Variants in MAP3K5 observed in about 807,000 individuals in gnomAD.
MAP3K5 encodes the protein mitogen-activated protein kinase kinase kinase 5.
In MAP3K5, 56 loss-of-function variants were observed where a neutral mutation model predicts 158.7. That is an observed-to-expected ratio of 0.35 (90% CI 0.28 to 0.44). MAP3K5 has a LOEUF of 0.44. Among genes scored for constraint, MAP3K5 ranks in the 20% least tolerant of loss-of-function variants. The probability of loss-of-function intolerance (pLI) is 1.00; values close to 1 mark genes in which losing one functional copy is unlikely to be tolerated. For synonymous variants in MAP3K5, 579 were observed against 601.7 expected (o/e 0.96, Z 0.55); for missense variants, 1,294 against 1,674.8 (o/e 0.77, Z 3.97).
chr6:136,724,917 C>A (rs1781903028), intron 1 of MAP3K5, among the ~76,000 whole-genome samples: 1 of 152,144 alleles, frequency 6.6e-6, no homozygotes, highest in South Asian at 2.1e-4. Context: ...CCTCATGCTG[C>A]CCTTTTGAGG....
At chr6:136,759,499 ATCACTCTG>A (rs1457176022) in intron 1 of MAP3K5, among the ~76,000 whole-genome samples, 2 of 111,780 alleles carry the variant, frequency 1.8e-5, no homozygotes, top group Non-Finnish European at 3.9e-5. Flanking sequence ...GAGACAGAGT[ATCACTCTG>A]TCACCCAGGC....
intron 1 of MAP3K5, among the ~76,000 whole-genome samples, chr6:136,765,523 A>AT (rs1221675236): frequency 6.9e-6 from 1 of 144,520 alleles, no homozygotes; most frequent in African/African-American, 2.6e-5. Flanking sequence ...TTATTTTTTT[A>AT]TTTTTTTGAG....
At chr6:136,719,779 T>C (rs886904897) in intron 2 of MAP3K5, among the ~76,000 whole-genome samples, 7 of 152,206 alleles carry the variant, frequency 4.6e-5, no homozygotes, top group Non-Finnish European at 8.8e-5. Context: ...AAATGGATGA[T>C]GGCAAGCTCA....
In MAP3K5 at chr6:136,633,782, G is replaced by A. The variant is rs1458646731; in HGVS notation, c.2016+3543C>T. On this transcript the variant is annotated intron_variant, in intron 14 of 29. Coordinates refer to ENST00000359015, the MANE Select transcript of MAP3K5 (RefSeq NM_005923.4). Reference sequence around the variant, plus strand: ...TTATAGAATCACATTAATAGTTACTGTTTTGCTGACTGCTGACAACACCCT... The same window carrying A: ...TTATAGAATCACATTAATAGTTACTATTTTGCTGACTGCTGACAACACCCT... Among the ~76,000 whole-genome samples, 9 of 152,202 alleles carry A rather than the reference G, an allele frequency of 5.9e-5. No homozygotes were observed. The East Asian group carries it at 1.7e-3, about 29-fold the overall frequency.
chr6:136,744,610 C>A (rs979953923), intron 1 of MAP3K5, among the ~76,000 whole-genome samples: 9 of 152,164 alleles, frequency 5.9e-5, no homozygotes, highest in Admixed American at 1.3e-4. Context: ...CCCATGCACT[C>A]CAACATGGAC....
At chr6:136,666,434 T>A (rs1779233369) in intron 8 of MAP3K5, among the ~76,000 whole-genome samples, 1 of 152,196 alleles carries the variant, frequency 6.6e-6, no homozygotes, top group Non-Finnish European at 1.5e-5. Context: ...CTGGTTATTA[T>A]AAGAACTCGG....
chr6:136,665,958 C>A (rs1176117745), intron 8 of MAP3K5, among the ~76,000 whole-genome samples: 2 of 152,160 alleles, frequency 1.3e-5, no homozygotes, highest in African/African-American at 4.8e-5. Context: ...ACTGTATCAT[C>A]ATTACTGTTG....
At position 136,609,869 on chromosome 6, in the gene MAP3K5, G is replaced by A. The variant is rs979884194; in HGVS notation, c.2521+1413C>T. Reference sequence around the variant, plus strand: ...AGATACTTAGGAGAGTGGGGTGGGTGGACTGCTTAAACCCAGGAGTTCAAG... The same window carrying A: ...AGATACTTAGGAGAGTGGGGTGGGTAGACTGCTTAAACCCAGGAGTTCAAG... On this transcript the variant is annotated intron_variant, in intron 18 of 29. Transcript: ENST00000359015. The surrounding 1 kb of genome is among the most constrained non-coding windows in gnomAD (Gnocchi z 4.4). Among the ~76,000 whole-genome samples, 2 of 150,826 alleles carry A rather than the reference G, an allele frequency of 1.3e-5. No individual in the cohort carries two copies.
At chr6:136,647,771 G>A (rs2114371479) in intron 11 of MAP3K5, 1 of 152,198 alleles carries the variant, frequency 6.6e-6, no homozygotes, top group Admixed American at 6.6e-5. Flanking sequence ...ATCTCTTCTA[G>A]TTCTACCCAC....
intron 7 of MAP3K5, 57 bp downstream of exon 7, chr6:136,694,083 C>T (rs928304794): frequency 1.5e-5 from 21 of 1,424,880 alleles, no homozygotes; most frequent in Non-Finnish European, 1.5e-5. Context: ...TTTGCAAATA[C>T]TTTTTTATGC....
intron 1 of MAP3K5, among the ~76,000 whole-genome samples, chr6:136,751,604 G>A (rs1159644666): frequency 6.6e-6 from 1 of 152,226 alleles, no homozygotes; most frequent in Non-Finnish European, 1.5e-5. Context: ...CAATCAGGCA[G>A]TAATGTTTTA....
At chr6:136,690,573 T>C (rs968129495) in intron 7 of MAP3K5, among the ~76,000 whole-genome samples, 2 of 152,214 alleles carry the variant, frequency 1.3e-5, no homozygotes, top group African/African-American at 2.4e-5. Flanking sequence ...ATAAAAATAA[T>C]CTTTTTATAA....
chr6:136,580,241 G>A, intron 25 of MAP3K5, 60 bp downstream of exon 25: 1 of 1,106,964 alleles, frequency 9.0e-7, no homozygotes, highest in Non-Finnish European at 1.4e-6. Context: ...AATAACAGAT[G>A]AACAGTAATC....
At chr6:136,590,783 A>C (rs955599990) in intron 23 of MAP3K5, among the ~76,000 whole-genome samples, 1 of 151,604 alleles carries the variant, frequency 6.6e-6, no homozygotes, top group African/African-American at 2.4e-5. Flanking sequence ...CTCGTGATCC[A>C]CCCGCCTCAG....
chr6:136,790,919 C>A (rs1056833970), intron 1 of MAP3K5, among the ~76,000 whole-genome samples: 16 of 152,176 alleles, frequency 1.1e-4, no homozygotes, highest in Admixed American at 4.6e-4. Context: ...TTGAAAGATA[C>A]ATTTCTTTCA....
chr6:136,579,353 T>C (rs1303001840), intron 25 of MAP3K5, among the ~76,000 whole-genome samples: 1 of 152,164 alleles, frequency 6.6e-6, no homozygotes, highest in African/African-American at 2.4e-5. Flanking sequence ...TCCTCACTTA[T>C]GCCAAAAAGC....
At chr6:136,621,002 A>C (rs1459879377) in intron 15 of MAP3K5, among the ~76,000 whole-genome samples, 1 of 152,166 alleles carries the variant, frequency 6.6e-6, no homozygotes, top group Non-Finnish European at 1.5e-5. Context: ...TCATTTCTTC[A>C]AGCATAGGTT....
intron 1 of MAP3K5, among the ~76,000 whole-genome samples, chr6:136,744,525 G>A (rs1209336583): frequency 6.6e-6 from 1 of 152,082 alleles, no homozygotes; most frequent in Non-Finnish European, 1.5e-5. Context: ...GTGCTGGAAG[G>A]AGGACCTAGT....
intron 27 of MAP3K5, 81 bp from the exon 28 acceptor site, chr6:136,561,726 T>C (rs1028445936): frequency 5.0e-5 from 38 of 767,094 alleles, no homozygotes; most frequent in African/African-American, 4.8e-4. Flanking sequence ...CAGACATTTA[T>C]TGATACTTTA....
Sources: gnomAD v4.1 joint callset for allele counts (sites outside exome capture counted in the v4.1 genomes callset) on GRCh38, gnomAD v4.1.1 for gene constraint, Gnocchi (gnomAD v3.1) non-coding constraint, MANE v1.5 for transcripts, NCBI Gene and HGNC (gene_info 2026-07-23, HGNC 2026-07-21) for gene names.